The following PHF21A variants were observed in gnomAD, a reference collection of about 807,000 sequenced individuals.
The protein encoded by PHF21A is PHD finger protein 21A.
In PHF21A, 11 loss-of-function variants were observed where a neutral mutation model predicts 82.5. The ratio of observed to expected loss-of-function variants is 0.13; its 90% CI spans 0.08 to 0.22. The LOEUF (loss-of-function observed/expected upper bound fraction) is 0.22. Among genes scored for constraint, PHF21A ranks in the 10% least tolerant of loss-of-function variants. The pLI is 1.00. For synonymous variants in PHF21A, 297 were observed against 302.8 expected (o/e 0.98, Z 0.20); for missense variants, 579 against 837.8 (o/e 0.69, Z 3.81).
intron 4 of PHF21A, among the ~76,000 whole-genome samples, chr11:46,082,944 T>G (rs2096810429): frequency 6.6e-6 from 1 of 152,066 alleles, no homozygotes; most frequent in African/African-American, 2.4e-5. Context: ...CATCATAAAA[T>G]TATCCTTGAT....
At chr11:46,014,566 T>G (rs1043484708) in intron 6 of PHF21A, among the ~76,000 whole-genome samples, 3 of 152,190 alleles carry the variant, frequency 2.0e-5, no homozygotes, top group Non-Finnish European at 4.4e-5. Context: ...AGTTTTACTT[T>G]TATTCTTTCA....
At chr11:45,988,230 A>G (rs980535138) in intron 6 of PHF21A, among the ~76,000 whole-genome samples, 2 of 152,254 alleles carry the variant, frequency 1.3e-5, no homozygotes, top group Admixed American at 6.5e-5. Flanking sequence ...ATAACAGATT[A>G]TTTAACCAAA....
chr11:45,980,605 T>G lies in PHF21A; in HGVS notation c.154-639A>C, dbSNP rs190290833. ...TGCATGCACTACAGCCTTGAACTCC[T>G]GGCATCAAGCAATCTTCTCACTTCA... On this transcript the variant is annotated intron_variant, in intron 6 of 18. Coordinates refer to ENST00000676320, the MANE Select transcript of PHF21A (RefSeq NM_001352027.3). Among the ~76,000 whole-genome samples the G allele has an allele frequency of 1.4e-3, 207 of 152,214 alleles. 1 individual carries two copies. Among genetic ancestry groups the G allele is most frequent in the Non-Finnish European group, 1.6e-3 (111 of 67,970 alleles).
intron 6 of PHF21A, among the ~76,000 whole-genome samples, chr11:45,984,957 A>G (rs1253683015): frequency 6.6e-6 from 1 of 152,238 alleles, no homozygotes. Context: ...ATTTAAAAAT[A>G]CAACCTTCAC....
intron 1 of PHF21A, among the ~76,000 whole-genome samples, chr11:46,093,572 A>G (rs1234655862): frequency 3.3e-5 from 5 of 152,222 alleles, no homozygotes; most frequent in African/African-American, 1.2e-4. Flanking sequence ...CTCTCAACCA[A>G]AAGAGAAATC....
chr11:46,015,020 A>T lies in PHF21A; in HGVS notation c.154-35054T>A, dbSNP rs1295233316. ...TAAAAATAAAAAAATAAAAAAAAAT[A>T]AAAAAATAAAAAATAGTTATTCTGA... On this transcript the variant is annotated intron_variant, in intron 6 of 18. Coordinates refer to ENST00000676320, the MANE Select transcript of PHF21A (RefSeq NM_001352027.3). 8.6e-5 allele frequency among the ~76,000 whole-genome samples: 4 copies of T among 46,640 alleles called. 2 individuals carry two copies. In the African/African-American group the frequency reaches 1.1e-3, roughly 13 times the overall value. The allele number at this position is 46,640 out of a possible 152,430, so 30.6% of individuals were successfully genotyped here.
intron 12 of PHF21A, 25 bp downstream of exon 12, chr11:45,950,181 C>A: frequency 6.4e-7 from 1 of 1,555,330 alleles, no homozygotes; most frequent in Admixed American, 1.8e-5. Flanking sequence ...GAAAAAAAGG[C>A]AGTGCCAAGA....
intron 6 of PHF21A, among the ~76,000 whole-genome samples, chr11:46,065,475 G>C (rs1192046810): frequency 6.6e-6 from 1 of 152,176 alleles, no homozygotes; most frequent in Non-Finnish European, 1.5e-5. Context: ...ATGAATATGG[G>C]TCCTGATAGT....
chr11:45,957,658 G>A (rs1471071438), intron 10 of PHF21A, among the ~76,000 whole-genome samples: 1 of 148,216 alleles, frequency 6.7e-6, no homozygotes, highest in Non-Finnish European at 1.5e-5. Context: ...GAAACTTATA[G>A]CTGCTAACAG....
chr11:45,978,157 G>A lies in PHF21A; in HGVS notation c.360+1603C>T, dbSNP rs371599704. Among the ~76,000 whole-genome samples the A allele has an allele frequency of 4.6e-5, 7 of 151,926 alleles. No individual in the cohort carries two copies. The South Asian group carries it at 8.3e-4, about 18-fold the overall frequency. On this transcript the variant is annotated intron_variant, in intron 7 of 18. Coordinates refer to ENST00000676320, the MANE Select transcript of PHF21A (RefSeq NM_001352027.3). ...TCTACTAAAAATACAAAAATTAGCC[G>A]GGCATGGTGGCACGCGCCTGTAGTC...
At chr11:45,943,741 C>T (rs1591018623) in intron 15 of PHF21A, among the ~76,000 whole-genome samples, 1 of 152,278 alleles carries the variant, frequency 6.6e-6, no homozygotes. Context: ...GAAAAAGGCA[C>T]ATTTACAGGT....
rs533074220 is a variant in PHF21A, at chr11:46,011,540, G to A, written c.154-31574C>T. ...ACCAATTGTTGAAGTAAGAAGATTG[G>A]CAATTTCTAAGATACTTTCTCGCTC... On this transcript the variant is annotated intron_variant, in intron 6 of 18. Coordinates refer to ENST00000676320, the MANE Select transcript of PHF21A (RefSeq NM_001352027.3). Among the ~76,000 whole-genome samples, 11 of 152,202 alleles carry A rather than the reference G, an allele frequency of 7.2e-5. No individual in the cohort carries two copies. The South Asian group carries it at 2.3e-3, about 32-fold the overall frequency.
intron 10 of PHF21A, among the ~76,000 whole-genome samples, chr11:45,954,582 T>C (rs930543451): frequency 6.6e-6 from 1 of 152,116 alleles, no homozygotes; most frequent in Non-Finnish European, 1.5e-5. Flanking sequence ...GAAACACCAG[T>C]TGATTACCAT....
At chr11:46,067,598 C>CAAAAA (rs11448208) in intron 6 of PHF21A, among the ~76,000 whole-genome samples, 2 of 145,308 alleles carry the variant, frequency 1.4e-5, no homozygotes, top group Non-Finnish European at 1.5e-5. Context: ...CCACCCCCCA[C>CAAAAA]AAAAAAAAAA....
chr11:46,019,972 C>T (rs1344201793), intron 6 of PHF21A, among the ~76,000 whole-genome samples: 1 of 151,706 alleles, frequency 6.6e-6, no homozygotes, highest in African/African-American at 2.4e-5. Flanking sequence ...GGGCATTTTG[C>T]TATTTTCTAC....
intron 15 of PHF21A, among the ~76,000 whole-genome samples, chr11:45,940,576 G>A (rs2090156922): frequency 6.6e-6 from 1 of 152,196 alleles, no homozygotes. Flanking sequence ...ACATGTGAAT[G>A]TAGCCTAATA....
At chr11:46,079,290 G>C in intron 4 of PHF21A, 124 bp from the exon 5 acceptor site, 1 of 619,758 alleles carries the variant, frequency 1.6e-6, no homozygotes, top group Non-Finnish European at 2.9e-6. Flanking sequence ...ACCACAATCA[G>C]AACAGACTAA....
At chr11:45,967,129 G>A (rs2093485939) in intron 9 of PHF21A, among the ~76,000 whole-genome samples, 1 of 152,150 alleles carries the variant, frequency 6.6e-6, no homozygotes. Context: ...AACAATTCGG[G>A]AGGCTGAGGC....
chr11:46,040,603 A>C (rs759030034), intron 6 of PHF21A, among the ~76,000 whole-genome samples: 2 of 152,172 alleles, frequency 1.3e-5, no homozygotes, highest in Non-Finnish European at 2.9e-5. Flanking sequence ...AATCTAGTGC[A>C]CCAAAAATAA....
Sources: gnomAD v4.1 joint callset for allele counts (sites outside exome capture counted in the v4.1 genomes callset) on GRCh38, gnomAD v4.1.1 for gene constraint, MANE v1.5 for transcripts, NCBI Gene and HGNC (gene_info 2026-07-23, HGNC 2026-07-21) for gene names.